The following TEAD1 variants were observed in gnomAD, a reference collection of about 807,000 sequenced individuals.
TEAD1 encodes transcriptional enhancer factor TEF-1.
TEAD1 carries 9 observed loss-of-function variants against 54.9 expected under a neutral mutation model. The ratio of observed to expected loss-of-function variants is 0.16; its 90% confidence interval spans 0.10 to 0.29. TEAD1 has a LOEUF of 0.29. TEAD1 is among the 10% of genes least tolerant of loss of function. The pLI is 1.00. For missense variants in TEAD1, 387 were observed against 535.9 expected (o/e 0.72, Z 2.74); for synonymous variants, 200 against 187.8 (o/e 1.07, Z -0.53).
chr11:12,885,437 C>T (rs560329562), intron 9 of TEAD1, among the ~76,000 whole-genome samples: 3 of 152,080 alleles, frequency 2.0e-5, no homozygotes, highest in South Asian at 4.2e-4. Context: ...CGGGGTTTCA[C>T]CGTGTTAGCC....
At chr11:12,926,266 G>A (rs1948901738) in intron 11 of TEAD1, among the ~76,000 whole-genome samples, 1 of 152,116 alleles carries the variant, frequency 6.6e-6, no homozygotes, top group African/African-American at 2.4e-5. Flanking sequence ...GCAGGCCCTC[G>A]TAGCACAAGC....
chr11:12,748,949 CT>C (rs929201048), intron 2 of TEAD1, among the ~76,000 whole-genome samples: 1 of 152,024 alleles, frequency 6.6e-6, no homozygotes, highest in African/African-American at 2.4e-5. Context: ...AATGGCCCTC[CT>C]TTTGGGTTAT....
At chr11:12,930,428 C>A (rs1361868193) in intron 12 of TEAD1, 102 bp downstream of exon 12, 2 of 1,436,366 alleles carry the variant, frequency 1.4e-6, no homozygotes, top group African/African-American at 1.4e-5. Flanking sequence ...GCCGAGGGAA[C>A]TGACCAGGTT....
intron 12 of TEAD1, among the ~76,000 whole-genome samples, chr11:12,931,680 A>G (rs1949012897): frequency 6.6e-6 from 1 of 152,142 alleles, no homozygotes; most frequent in African/African-American, 2.4e-5. Context: ...TTCATGGGCA[A>G]TTTCAAGCTA....
At chr11:12,934,404 G>A (rs1356764206) in intron 12 of TEAD1, among the ~76,000 whole-genome samples, 1 of 152,100 alleles carries the variant, frequency 6.6e-6, no homozygotes, top group Non-Finnish European at 1.5e-5. Context: ...GGGAGTAGAG[G>A]GGGAAGGGAT....
intron 3 of TEAD1, among the ~76,000 whole-genome samples, chr11:12,813,905 G>GT (rs1946359565): frequency 6.6e-6 from 1 of 152,150 alleles, no homozygotes; most frequent in African/African-American, 2.4e-5. Flanking sequence ...AGAGGATGGG[G>GT]TGTAGCCTGT....
intron 3 of TEAD1, among the ~76,000 whole-genome samples, chr11:12,784,377 A>G (rs1945631317): frequency 6.6e-6 from 1 of 152,172 alleles, no homozygotes; most frequent in Non-Finnish European, 1.5e-5. Flanking sequence ...GCAATTCAGC[A>G]TTCTGGATTT....
At chr11:12,759,692 C>T (rs1293343795) in intron 2 of TEAD1, among the ~76,000 whole-genome samples, 1 of 152,136 alleles carries the variant, frequency 6.6e-6, no homozygotes, top group East Asian at 1.9e-4. Context: ...GAAACCCTGT[C>T]TCTACTAAAA....
intron 2 of TEAD1, among the ~76,000 whole-genome samples, chr11:12,717,882 T>A (rs945220316): frequency 6.6e-6 from 1 of 152,228 alleles, no homozygotes; most frequent in African/African-American, 2.4e-5. Context: ...CCTTGCCATT[T>A]ACTGGGTTGT....
chr11:12,914,955 C>G (rs909242623), intron 10 of TEAD1, among the ~76,000 whole-genome samples: 1 of 152,258 alleles, frequency 6.6e-6, no homozygotes, highest in Admixed American at 6.5e-5. Flanking sequence ...GTTCTTTGAT[C>G]ATTGCTCGGA....
At chr11:12,814,797 GT>G in intron 3 of TEAD1, among the ~76,000 whole-genome samples, 1 of 56,718 alleles carries the variant, frequency 1.8e-5, no homozygotes, top group Middle Eastern at 9.3e-3. Flanking sequence ...GTGTGTGTGT[GT>G]GTGTGTGTGT....
intron 3 of TEAD1, among the ~76,000 whole-genome samples, chr11:12,792,474 T>G (rs532735644): frequency 6.6e-6 from 1 of 152,110 alleles, no homozygotes; most frequent in Non-Finnish European, 1.5e-5. Context: ...TTCGTTGATA[T>G]AAGTCTGTTT....
intron 3 of TEAD1, among the ~76,000 whole-genome samples, chr11:12,829,901 A>G (rs541243731): frequency 4.6e-5 from 7 of 152,326 alleles, no homozygotes; most frequent in Admixed American, 3.9e-4. Context: ...AGACATTTAC[A>G]TGTATGGGTT....
chr11:12,779,098 T>C (rs1362354936), intron 3 of TEAD1, among the ~76,000 whole-genome samples: 1 of 152,214 alleles, frequency 6.6e-6, no homozygotes, highest in Non-Finnish European at 1.5e-5. Context: ...GAGATGTTTC[T>C]AAGTGGTAGG....
At chr11:12,848,180 C>G (rs1947196347) in intron 3 of TEAD1, among the ~76,000 whole-genome samples, 1 of 152,184 alleles carries the variant, frequency 6.6e-6, no homozygotes, top group South Asian at 2.1e-4. Context: ...AGACCATAAA[C>G]TCCTTGAGGG....
intron 2 of TEAD1, among the ~76,000 whole-genome samples, chr11:12,759,607 A>AAT (rs1460313532): frequency 6.6e-6 from 1 of 152,224 alleles, no homozygotes; most frequent in Non-Finnish European, 1.5e-5. Flanking sequence ...TCACGCCTGT[A>AAT]ATCCCAGCAC....
At chr11:12,814,251 A>G (rs961822813) in intron 3 of TEAD1, among the ~76,000 whole-genome samples, 4 of 152,158 alleles carry the variant, frequency 2.6e-5, no homozygotes. Flanking sequence ...GGGGAGTTCA[A>G]GCGAGCCTCT....
chr11:12,700,976 A>T (rs1178145467), intron 2 of TEAD1, among the ~76,000 whole-genome samples: 1 of 152,200 alleles, frequency 6.6e-6, no homozygotes, highest in Non-Finnish European at 1.5e-5. Flanking sequence ...CAAAGCACAG[A>T]GTCTCCTCTG....
intron 10 of TEAD1, among the ~76,000 whole-genome samples, chr11:12,912,259 T>G (rs1948630522): frequency 6.6e-6 from 1 of 151,888 alleles, no homozygotes; most frequent in South Asian, 2.1e-4. Context: ...AGGCTCAGGG[T>G]CTGGTGAGGG....
Sources: allele counts gnomAD v4.1 joint callset (sites outside exome capture counted in the v4.1 genomes callset), GRCh38; gene constraint gnomAD v4.1.1; transcripts MANE v1.5; gene names NCBI Gene and HGNC (gene_info 2026-07-23, HGNC 2026-07-21).